Variants in AFAP1L2 observed in about 807,000 individuals in gnomAD.
AFAP1L2 encodes actin filament-associated protein 1-like 2.
Under a neutral mutation model 99.3 loss-of-function variants are expected in AFAP1L2, and 46 were observed. The ratio of observed to expected loss-of-function variants is 0.46; its 90% confidence interval spans 0.37 to 0.59. The LOEUF is 0.59. AFAP1L2 is among the 20% of genes least tolerant of loss of function. AFAP1L2 has a pLI of 0.00. For missense variants in AFAP1L2, 959 were observed against 1,034.9 expected, an observed-to-expected ratio of 0.93 and a Z score of 1.01; for synonymous variants, 397 against 419.1, an observed-to-expected ratio of 0.95 and a Z score of 0.64.
chr10:114,290,088 C>A (rs2039417280), downstream of AFAP1L2: 3 of 974,224 alleles, frequency 3.1e-6, no homozygotes, highest in Non-Finnish European at 4.5e-6. Context: ...CTAACCTAGC[C>A]AAGTGGTATG....
At chr10:114,314,677 G>A (rs77049687) in intron 6 of AFAP1L2, among the ~76,000 whole-genome samples, 130 of 152,308 alleles carry the variant, frequency 8.5e-4, no homozygotes, top group African/African-American at 3.0e-3. Context: ...TAATAATTCC[G>A]TGGAATTTCA....
At chr10:114,303,824 G>A (rs1028185896) in intron 11 of AFAP1L2, among the ~76,000 whole-genome samples, 38 of 152,162 alleles carry the variant, frequency 2.5e-4, no homozygotes, top group Non-Finnish European at 5.1e-4. Flanking sequence ...TTGCTCCTAG[G>A]ATCAAGCCCT....
intron 5 of AFAP1L2, among the ~76,000 whole-genome samples, chr10:114,317,594 C>A (rs931660608): frequency 5.3e-5 from 8 of 152,194 alleles, no homozygotes; most frequent in African/African-American, 1.9e-4. Flanking sequence ...CGTGGTGGCT[C>A]ACACCTGTAA....
At position 114,300,475 on chromosome 10, in the gene AFAP1L2, G is replaced by A. The variant is rs1319798580; in HGVS notation, c.1758C>T (p.Cys586=). The part of the protein sequence containing the change: ...SGPGPTPDEP[C]IKCPENLGEQ... ...CTCCCAGGTTCTCTGGACACTTTAT[G>A]CAGGGCTCATCTGGGGTGGGACCTG... Residue 586 remains cysteine (C), a synonymous_variant, in exon 14 of 19, where the codon TGC becomes TGT. Transcript: ENST00000304129. 2 of 1,613,616 alleles carry A rather than the reference G, an allele frequency of 1.2e-6. No individual in the cohort carries two copies. The highest frequency in any genetic ancestry group is 2.2e-5 in the South Asian group (2 of 91,080).
In AFAP1L2 at chr10:114,326,397, C is replaced by T. The variant is rs147460294; in HGVS notation, c.316-3136G>A. Among the ~76,000 whole-genome samples, 32 of 152,248 alleles carry T rather than the reference C, an allele frequency of 2.1e-4. No homozygotes were observed. The East Asian group carries it at 4.2e-3, about 20-fold the overall frequency. On this transcript the variant is annotated intron_variant, in intron 4 of 18. Coordinates refer to ENST00000304129, the MANE Select transcript of AFAP1L2 (RefSeq NM_001001936.3). ...ATACAAAGAACAATGTTTAGCTGAT[C>T]GATAGCTTACAGTATTTTAATATAA...
At chr10:114,392,304 G>A (rs941892898) in intron 1 of AFAP1L2, among the ~76,000 whole-genome samples, 1 of 152,162 alleles carries the variant, frequency 6.6e-6, no homozygotes, top group African/African-American at 2.4e-5. Context: ...TCAGAGGATG[G>A]CTTGAGCTCA....
At chr10:114,325,081 C>T (rs1432735583) in intron 4 of AFAP1L2, among the ~76,000 whole-genome samples, 3 of 152,196 alleles carry the variant, frequency 2.0e-5, no homozygotes, top group Non-Finnish European at 4.4e-5. Context: ...TATATAGACC[C>T]TGGAGTTCAT....
chr10:114,395,139 T>C (rs1465257397), intron 1 of AFAP1L2, among the ~76,000 whole-genome samples: 1 of 152,246 alleles, frequency 6.6e-6, no homozygotes, highest in East Asian at 1.9e-4. Flanking sequence ...TCTCCCTAAG[T>C]GTGCAGGAAA....
intron 10 of AFAP1L2, 80 bp from the exon 11 acceptor site, chr10:114,305,010 A>AGCG: frequency 6.4e-6 from 1 of 156,060 alleles, no homozygotes; most frequent in East Asian, 2.1e-4. Context: ...GGGCTTCGGG[A>AGCG]GGGCACACAG....
intron 1 of AFAP1L2, among the ~76,000 whole-genome samples, chr10:114,363,380 G>A (rs909507927): frequency 1.3e-5 from 2 of 152,146 alleles, no homozygotes; most frequent in African/African-American, 4.8e-5. Flanking sequence ...AGTCCGCTGG[G>A]CCCTCACCAG....
rs149980807 is a variant in AFAP1L2, at chr10:114,351,562, T to C, written c.17-10831A>G. Among the ~76,000 whole-genome samples, 10 of 152,266 alleles carry C rather than the reference T, an allele frequency of 6.6e-5. No homozygotes were observed. In the East Asian group the frequency reaches 1.9e-3, roughly 29 times the overall value. ...TCCAAAGTGACCACCACTCTGAGGT[T>C]GGAGTCAACCGGGGGGAGGCACGCG... On this transcript the variant is annotated intron_variant, in intron 1 of 18. Transcript: ENST00000304129.
intron 1 of AFAP1L2, among the ~76,000 whole-genome samples, chr10:114,349,383 CAAAAAAAAAAA>C (rs113553514): frequency 2.3e-5 from 2 of 86,252 alleles, no homozygotes; most frequent in African/African-American, 9.6e-5. Context: ...AACTCGGTCT[CAAAAAAAAAAA>C]AAAAAAAAAG....
At chr10:114,325,047 G>A (rs1368208811) in intron 4 of AFAP1L2, among the ~76,000 whole-genome samples, 1 of 152,142 alleles carries the variant, frequency 6.6e-6, no homozygotes, top group Non-Finnish European at 1.5e-5. Flanking sequence ...CCAGTCCTGT[G>A]TGGTTTGGAC....
intron 7 of AFAP1L2, among the ~76,000 whole-genome samples, chr10:114,313,472 C>T (rs2043588275): frequency 6.6e-6 from 1 of 152,176 alleles, no homozygotes; most frequent in Admixed American, 6.5e-5. Flanking sequence ...GAGCCTTAAT[C>T]ACCACTCCTG....
At chr10:114,384,043 A>T (rs945094) in intron 1 of AFAP1L2, among the ~76,000 whole-genome samples, 139,709 of 151,846 alleles carry the variant, frequency 0.92, 64,603 homozygotes, top group East Asian at 1. Flanking sequence ...CCAATGACAA[A>T]GGATGCAACA....
chr10:114,383,686 C>G (rs1189240222), intron 1 of AFAP1L2, among the ~76,000 whole-genome samples: 1 of 152,182 alleles, frequency 6.6e-6, no homozygotes, highest in African/African-American at 2.4e-5. Context: ...ATAACTCCAT[C>G]TGAAAAACCA....
At chr10:114,345,421 G>A (rs1237151398) in intron 1 of AFAP1L2, among the ~76,000 whole-genome samples, 1 of 152,174 alleles carries the variant, frequency 6.6e-6, no homozygotes, top group African/African-American at 2.4e-5. Context: ...ATGGATGGAA[G>A]GGGACTGGCA....
At chr10:114,289,207 C>T in the AFAP1L2 span, 6 of 1,613,604 alleles carry the variant, frequency 3.7e-6, no homozygotes, top group East Asian at 1.3e-4. Context: ...CGGCACCGCC[C>T]TGCTGCACAT....
chr10:114,292,652 T>C (rs1001562798), downstream of AFAP1L2, among the ~76,000 whole-genome samples: 1 of 151,566 alleles, frequency 6.6e-6, no homozygotes, highest in African/African-American at 2.4e-5. Context: ...TTGTTTAGAG[T>C]TGGATTTTCT....
Sources: gnomAD v4.1 joint callset for allele counts (sites outside exome capture counted in the v4.1 genomes callset) on GRCh38, gnomAD v4.1.1 for gene constraint, MANE v1.5 for transcripts, NCBI Gene and HGNC (gene_info 2026-07-23, HGNC 2026-07-21) for gene names.